Variants in AUTS2 observed in about 807,000 individuals in gnomAD.
AUTS2 encodes the protein activator of transcription and developmental regulator AUTS2.
A neutral mutation model predicts 112.4 loss-of-function variants in AUTS2; 17 were observed. The ratio of observed to expected loss-of-function variants is 0.15; its 90% CI spans 0.10 to 0.23. The LOEUF (loss-of-function observed/expected upper bound fraction) is 0.23. Ranked by LOEUF, AUTS2 falls within the 10% of genes least tolerant of loss-of-function variation. AUTS2 has a pLI of 1.00. For synonymous variants in AUTS2, 751 were observed against 702.7 expected, an observed-to-expected ratio of 1.07 and a Z score of -1.09; for missense variants, 1,510 against 1,701.6, an observed-to-expected ratio of 0.89 and a Z score of 1.98.
intron 2 of AUTS2, among the ~76,000 whole-genome samples, chr7:70,086,043 A>G (rs530147531): frequency 1.2e-4 from 19 of 152,322 alleles, no homozygotes; most frequent in African/African-American, 2.4e-4. Flanking sequence ...CTTGACACCA[A>G]TACCACGTCT....
At chr7:70,109,429 A>C (rs1010931353) in intron 2 of AUTS2, among the ~76,000 whole-genome samples, 5 of 152,188 alleles carry the variant, frequency 3.3e-5, no homozygotes, top group Admixed American at 2.6e-4. Flanking sequence ...TGCCAAATGC[A>C]ATCTGTTCAT....
At chr7:70,381,529 C>T (rs879622313) in intron 4 of AUTS2, among the ~76,000 whole-genome samples, 9 of 152,088 alleles carry the variant, frequency 5.9e-5, no homozygotes, top group Non-Finnish European at 1.2e-4. Flanking sequence ...CATTCGTTAG[C>T]CCTAGACACA....
intron 1 of AUTS2, among the ~76,000 whole-genome samples, chr7:69,715,371 T>C (rs1798555880): frequency 6.6e-6 from 1 of 152,182 alleles, no homozygotes; most frequent in Non-Finnish European, 1.5e-5. Flanking sequence ...CAGCTTTTCT[T>C]AACCAGAAGG....
At chr7:69,881,672 A>G (rs1415293924) in intron 1 of AUTS2, among the ~76,000 whole-genome samples, 1 of 152,044 alleles carries the variant, frequency 6.6e-6, no homozygotes, top group African/African-American at 2.4e-5. Context: ...AAACTTTCCT[A>G]AAGTTTCCAT....
At chr7:70,461,514 G>A (rs144015147) in intron 5 of AUTS2, among the ~76,000 whole-genome samples, 2 of 152,234 alleles carry the variant, frequency 1.3e-5, no homozygotes, top group African/African-American at 2.4e-5. Flanking sequence ...TCTTAGGTGC[G>A]CATCCGCTTT....
At chr7:70,002,263 T>G (rs1799233364) in intron 2 of AUTS2, among the ~76,000 whole-genome samples, 1 of 152,154 alleles carries the variant, frequency 6.6e-6, no homozygotes, top group African/African-American at 2.4e-5. Context: ...TGGTCTGCTC[T>G]CCCATAATCT....
chr7:70,289,492 A>G (rs913097840), intron 4 of AUTS2, among the ~76,000 whole-genome samples: 23 of 152,344 alleles, frequency 1.5e-4, no homozygotes, highest in African/African-American at 5.3e-4. Context: ...AAACAGAAAC[A>G]TAAGATTTAC....
chr7:70,458,899 G>A (rs1051328115), intron 5 of AUTS2, among the ~76,000 whole-genome samples: 4 of 152,162 alleles, frequency 2.6e-5, no homozygotes, highest in East Asian at 1.9e-4. Flanking sequence ...CCATCCACAC[G>A]GGAGACACTT....
intron 4 of AUTS2, among the ~76,000 whole-genome samples, chr7:70,163,362 A>AGGG (rs1808216158): frequency 9.9e-3 from 19 of 1,918 alleles, no homozygotes; most frequent in Admixed American, 0.019. Context: ...GGGGGGGCAG[A>AGGG]GGGGGAGGGA....
At chr7:70,338,103 A>G (rs960451569) in intron 4 of AUTS2, among the ~76,000 whole-genome samples, 3 of 152,262 alleles carry the variant, frequency 2.0e-5, no homozygotes, top group African/African-American at 7.2e-5. Flanking sequence ...CTTTAATTGC[A>G]GTAATTAAAC....
In AUTS2 at chr7:70,036,966, G is replaced by A. The variant is rs1016337184; in HGVS notation, c.523-81166G>A. ...TCTGTAAACAAGCCATGTACCTTTGGAAGGTCATTTTGAACTCAGTCCTGG... is the reference window on the plus strand; with the variant it reads ...TCTGTAAACAAGCCATGTACCTTTGAAAGGTCATTTTGAACTCAGTCCTGG... On this transcript the variant is annotated intron_variant, in intron 2 of 18. Coordinates refer to ENST00000342771, the MANE Select transcript of AUTS2 (RefSeq NM_015570.4). 3.3e-5 allele frequency among the ~76,000 whole-genome samples: 5 copies of A among 152,276 alleles called. No individual in the cohort carries two copies. In the East Asian group the frequency reaches 9.6e-4, roughly 29 times the overall value.
intron 2 of AUTS2, among the ~76,000 whole-genome samples, chr7:69,986,912 A>C (rs1019331274): frequency 1.3e-5 from 2 of 152,142 alleles, no homozygotes; most frequent in African/African-American, 4.8e-5. Context: ...ATTATTTTAT[A>C]TTTAATGAGT....
chr7:70,376,466 A>G (rs150242012), intron 4 of AUTS2, among the ~76,000 whole-genome samples: 2,001 of 152,100 alleles, frequency 0.013, 46 homozygotes, highest in African/African-American at 0.045. Flanking sequence ...TGTGGCCGGC[A>G]CACCGTAGTT....
chr7:69,717,860 C>A (rs1215910666), intron 1 of AUTS2, among the ~76,000 whole-genome samples: 1 of 152,100 alleles, frequency 6.6e-6, no homozygotes, highest in Non-Finnish European at 1.5e-5. Flanking sequence ...TAGAGTTCAT[C>A]CACCGTTTTA....
At chr7:70,019,110 A>G (rs1800160348) in intron 2 of AUTS2, among the ~76,000 whole-genome samples, 1 of 152,250 alleles carries the variant, frequency 6.6e-6, no homozygotes. Flanking sequence ...TGTCCTTTGC[A>G]GGAACATGGA....
chr7:70,432,631 G>A lies in AUTS2; in HGVS notation c.661-3121G>A, dbSNP rs185830962. On this transcript the variant is annotated intron_variant, in intron 4 of 18. Transcript: ENST00000342771. ...GTGGAATAGACCTCTTGTATGTGTC[G>A]AGCTTCTGGCTTTTTACAGAGTGTG... Among the ~76,000 whole-genome samples, 89 of 152,264 alleles carry A rather than the reference G, an allele frequency of 5.8e-4. 2 individuals are homozygous for A. Among genetic ancestry groups the A allele is most frequent in the African/African-American group, 2.0e-3 (85 of 41,546 alleles).
chr7:69,851,365 G>T (rs1448458426), intron 1 of AUTS2, among the ~76,000 whole-genome samples: 1 of 152,052 alleles, frequency 6.6e-6, no homozygotes. Flanking sequence ...AATCTTGAAC[G>T]TATTTACAAA....
chr7:69,690,321 C>G (rs1234916664), intron 1 of AUTS2, among the ~76,000 whole-genome samples: 1 of 152,182 alleles, frequency 6.6e-6, no homozygotes, highest in Non-Finnish European at 1.5e-5. Flanking sequence ...CTCTCACTGT[C>G]ACAGGATCCT....
At chr7:70,449,868 T>A (rs1796460326) in intron 5 of AUTS2, among the ~76,000 whole-genome samples, 1 of 152,168 alleles carries the variant, frequency 6.6e-6, no homozygotes, top group South Asian at 2.1e-4. Context: ...ATATTTTAAG[T>A]ACACCTATAG....
Sources: gnomAD v4.1 joint callset for allele counts (sites outside exome capture counted in the v4.1 genomes callset) on GRCh38, gnomAD v4.1.1 for gene constraint, MANE v1.5 for transcripts, NCBI Gene and HGNC (gene_info 2026-07-23, HGNC 2026-07-21) for gene names.